Variants in XRCC1 observed in about 807,000 individuals in gnomAD.
XRCC1 encodes the protein X-ray repair cross complementing 1, also known as DNA repair protein XRCC1.
XRCC1 carries 52 observed loss-of-function variants against 83.3 expected under a neutral mutation model. The ratio of observed to expected loss-of-function variants is 0.62; its 90% CI spans 0.50 to 0.79. The LOEUF (loss-of-function observed/expected upper bound fraction) is 0.79. Ranked by LOEUF, XRCC1 falls within the 30% of genes least tolerant of loss-of-function variation. XRCC1 has a pLI of 0.00. For synonymous variants in XRCC1, 281 were observed against 312.6 expected (o/e 0.90, Z 1.07); for missense variants, 793 against 823.5 (o/e 0.96, Z 0.45).
rs1972617177 is a variant in XRCC1 at position 43,554,683 on chromosome 19, T to C, written c.377A>G (p.Asp126Gly). The change falls in exon 4 of 17, where the codon GAC (aspartate) becomes GGC (glycine). Residue 126 changes from aspartate (D) to glycine (G), a missense_variant. Coordinates refer to ENST00000262887, the MANE Select transcript of XRCC1 (RefSeq NM_006297.3). ...CTGGCTGCAAACAATTTTGACCCGG[T>C]CCCAGCGCTTCTCGGCGGCTGCCCG... ...LVRAAAEKRW[D>G]RVKIVCSQPY... 1 of 1,613,562 alleles carries C rather than the reference T, an allele frequency of 6.2e-7. No homozygotes were observed. Among genetic ancestry groups the C allele is most frequent in the Non-Finnish European group, 8.5e-7 (1 of 1,179,758 alleles).
Position 43,543,363 on chromosome 19 carries a change from TG to T in XRCC1, c.*28del. The T allele has an allele frequency of 1.4e-6, 2 of 1,413,102 alleles. No individual in the cohort carries two copies. Among genetic ancestry groups the T allele is most frequent in the Non-Finnish European group, 9.9e-7 (1 of 1,005,818 alleles). The allele number at this position is 1,413,102 out of a possible 1,614,324, so 87.5% of individuals were successfully genotyped here. On this transcript the variant is annotated 3_prime_UTR_variant, in exon 17 of 17. Transcript: ENST00000262887. ...CATCGTGTGTGTGTGTGTGTGTGTGTGTGTGTGTGTGTGTGTATAGCACATA... is the reference window on the plus strand; with the variant it reads ...CATCGTGTGTGTGTGTGTGTGTGTGTTGTGTGTGTGTGTGTATAGCACATA...
chr19:43,566,828 G>A (rs1042221420), intron 2 of XRCC1, among the ~76,000 whole-genome samples: 2 of 132,634 alleles, frequency 1.5e-5, no homozygotes, highest in African/African-American at 5.8e-5. Context: ...GCAGTGAGCC[G>A]AGATTGCACC....
chr19:43,561,051 G>T, intron 2 of XRCC1, 31 bp from the exon 3 acceptor site: 2 of 1,544,176 alleles, frequency 1.3e-6, no homozygotes, highest in East Asian at 2.2e-5. Context: ...CACTGTCAGT[G>T]CCTGCTCTGC....
rs754956818 is a variant in XRCC1, at chr19:43,554,669, C to T, written c.391G>A (p.Val131Ile). The T allele has an allele frequency of 3.7e-6, 6 of 1,612,848 alleles. No individual in the cohort carries two copies. In the South Asian group the frequency reaches 5.5e-5, roughly 15 times the overall value. ...ACCTTGCTGTAGGGCTGGCTGCAAA[C>T]AATTTTGACCCGGTCCCAGCGCTTC... is the stretch of plus-strand genomic sequence containing the variant. ...AEKRWDRVKI[V>I]CSQPYSKDSP... The change falls in exon 4 of 17, where the codon GTT becomes ATT. Residue 131 changes from valine (V) to isoleucine (I), a missense_variant. By Grantham distance (29) the Val-to-Ile change is conservative. Transcript: ENST00000262887.
chr19:43,544,252 G>A lies in XRCC1; in HGVS notation c.1622-18C>T, dbSNP rs1972486200. On this transcript the variant is annotated intron_variant, in intron 14 of 16. Transcript: ENST00000262887. ...GAAGAAATCTGCAGGAGAGAAGGGG[G>A]CTAAGGTAAGCATGAGGCCCCAGGA... 6.3e-7 allele frequency: 1 copy of A among 1,591,946 alleles called. No homozygotes were observed. Among genetic ancestry groups the A allele is most frequent in the African/African-American group, 1.3e-5 (1 of 74,802 alleles).
At chr19:43,570,280 T>G (rs1403581345) in intron 2 of XRCC1, among the ~76,000 whole-genome samples, 1 of 152,196 alleles carries the variant, frequency 6.6e-6, no homozygotes, top group Non-Finnish European at 1.5e-5. Flanking sequence ...CTGGGTCTTG[T>G]CCAAGCCACC....
intron 2 of XRCC1, among the ~76,000 whole-genome samples, chr19:43,565,326 C>T (rs1206585021): frequency 6.6e-6 from 1 of 152,156 alleles, no homozygotes; most frequent in African/African-American, 2.4e-5. Context: ...TGTTACGACT[C>T]CAGTTTCACA....
chr19:43,571,602 CAA>C (rs1409595668), intron 2 of XRCC1, among the ~76,000 whole-genome samples: 2 of 152,248 alleles, frequency 1.3e-5, no homozygotes, highest in Admixed American at 6.5e-5. Context: ...CTTCCAGGCT[CAA>C]GTGATCCTCC....
At chr19:43,552,307 A>G in intron 8 of XRCC1, 32 bp from the exon 9 acceptor site, 1 of 1,504,842 alleles carries the variant, frequency 6.6e-7, no homozygotes, top group South Asian at 1.2e-5. Context: ...TTAGGTTAGC[A>G]CCACTGGGGG....
At chr19:43,569,116 AG>A (rs201059169) in intron 2 of XRCC1, among the ~76,000 whole-genome samples, 4,279 of 151,114 alleles carry the variant, frequency 0.028, 93 homozygotes, top group African/African-American at 0.059. Context: ...CGTTTAAAAA[AG>A]AAAATCAAAT....
rs778613742 is a variant in XRCC1 at position 43,551,697 on chromosome 19, G to A, written c.1083-10C>T. The A allele has an allele frequency of 5.6e-6, 9 of 1,610,716 alleles. No individual in the cohort carries two copies. The highest frequency in any genetic ancestry group is 6.8e-6 in the Non-Finnish European group (8 of 1,176,998). On this transcript the variant is annotated splice_polypyrimidine_tract_variant and intron_variant, in intron 9 of 16. Coordinates refer to ENST00000262887, the MANE Select transcript of XRCC1 (RefSeq NM_006297.3). ...GTTGGCAAAGGCACAGCTGGTGGGG[G>A]GCAGAAGTGAAGATGCCAGTTAGGT...
chr19:43,548,710 A>G lies in XRCC1; in HGVS notation c.1200-1733T>C, dbSNP rs552260083. On this transcript the variant is annotated intron_variant, in intron 10 of 16. Transcript: ENST00000262887. ...TTGTTTATCTGCTGACCTTCCCTTCACTATTGTCCTATGACCCTGCCAAAT... is the reference window on the plus strand; with the variant it reads ...TTGTTTATCTGCTGACCTTCCCTTCGCTATTGTCCTATGACCCTGCCAAAT... Among the ~76,000 whole-genome samples, 14 of 142,828 alleles carry G rather than the reference A, an allele frequency of 9.8e-5. No individual in the cohort carries two copies. The South Asian group carries it at 1.8e-3, about 18-fold the overall frequency. The allele number at this position is 142,828 out of a possible 152,430, so 93.7% of individuals were successfully genotyped here.
chr19:43,553,914 A>G, intron 4 of XRCC1: 1 of 465,900 alleles, frequency 2.1e-6, no homozygotes, highest in South Asian at 6.1e-5. Flanking sequence ...TCTTTGGGCA[A>G]TTGGCAGAGT....
In XRCC1 at chr19:43,560,733, T is replaced by C. The variant is rs3213325; in HGVS notation, c.255+177A>G. On this transcript the variant is annotated intron_variant, in intron 3 of 16. Transcript: ENST00000262887. Reference sequence around the variant, plus strand: ...TTGCTCTCTTCCCTGATGTGCAGTTTACCGCCCTGTGTCTGCCTTCTGTCT... The same window carrying C: ...TTGCTCTCTTCCCTGATGTGCAGTTCACCGCCCTGTGTCTGCCTTCTGTCT... Among the ~76,000 whole-genome samples the C allele has an allele frequency of 3.8e-3, 581 of 152,326 alleles. 15 individuals are homozygous for C. Among genetic ancestry groups the C allele is most frequent in the Admixed American group, 0.036 (544 of 15,304 alleles).
In XRCC1 at chr19:43,569,783, G is replaced by GA. The variant is rs915145385; in HGVS notation, c.144+5126dup. Among the ~76,000 whole-genome samples, 129 of 142,764 alleles carry GA rather than the reference G, an allele frequency of 9.0e-4. 1 individual carries two copies. Among genetic ancestry groups the GA allele is most frequent in the East Asian group, 8.9e-3 (44 of 4,966 alleles). The allele number at this position is 142,764 out of a possible 152,430, so 93.7% of individuals were successfully genotyped here. On this transcript the variant is annotated intron_variant, in intron 2 of 16. Coordinates refer to ENST00000262887, the MANE Select transcript of XRCC1 (RefSeq NM_006297.3). ...AACAACAAGACGAAACTCCGTCTCAGAAAAAAAAAAAATCACAATAAATCA... is the reference window on the plus strand; with the variant it reads ...AACAACAAGACGAAACTCCGTCTCAGAAAAAAAAAAAAATCACAATAAATCA...
chr19:43,557,834 AAGGAGGGG>A (rs1322541214), intron 3 of XRCC1, among the ~76,000 whole-genome samples: 6 of 134,392 alleles, frequency 4.5e-5, no homozygotes, highest in African/African-American at 1.6e-4. Flanking sequence ...GGAGGGAGGG[AAGGAGGGG>A]AGGGAGAATG....
At chr19:43,549,531 G>A (rs1240935041) in intron 10 of XRCC1, among the ~76,000 whole-genome samples, 3 of 152,162 alleles carry the variant, frequency 2.0e-5, no homozygotes. Flanking sequence ...AAAGTGCTGG[G>A]ATTACAGGCG....
intron 2 of XRCC1, among the ~76,000 whole-genome samples, chr19:43,569,826 C>T (rs1282756007): frequency 6.6e-6 from 1 of 151,952 alleles, no homozygotes; most frequent in Non-Finnish European, 1.5e-5. Context: ...CTACACTGAA[C>T]GACATAGATG....
chr19:43,554,579 T>C, intron 4 of XRCC1, 67 bp downstream of exon 4: 1 of 1,534,480 alleles, frequency 6.5e-7, no homozygotes, highest in Middle Eastern at 1.9e-4. Context: ...TGGGACTCAA[T>C]ATTGGCCCTT....
Sources: gnomAD v4.1 joint callset for allele counts (sites outside exome capture counted in the v4.1 genomes callset) on GRCh38, gnomAD v4.1.1 for gene constraint, MANE v1.5 for transcripts, NCBI Gene and HGNC (gene_info 2026-07-23, HGNC 2026-07-21) for gene names.